BBS9: variants seen among roughly 807,000 people sequenced by gnomAD.
BBS9 encodes Bardet-Biedl syndrome 9.
BBS9 carries 89 observed loss-of-function variants against 117.7 expected under a neutral mutation model. The ratio of observed to expected loss-of-function variants is 0.76; its 90% CI spans 0.64 to 0.90. The LOEUF (loss-of-function observed/expected upper bound fraction) is 0.90, where lower values mean the gene tolerates loss of function less well. Ranked by LOEUF, BBS9 falls within the 40% of genes least tolerant of loss-of-function variation. The probability of loss-of-function intolerance (pLI) is 0.00; values close to 1 mark genes in which losing one functional copy is unlikely to be tolerated. For missense variants in BBS9, 982 were observed against 1,042.2 expected, an observed-to-expected ratio of 0.94 and a Z score of 0.80; for synonymous variants, 379 against 370.9, an observed-to-expected ratio of 1.02 and a Z score of -0.25.
At chr7:33,528,005 A>G (rs1246083332) in intron 20 of BBS9, among the ~76,000 whole-genome samples, 1 of 152,234 alleles carries the variant, frequency 6.6e-6, no homozygotes, top group Admixed American at 6.5e-5. Flanking sequence ...CTTTAGATAT[A>G]ATATTTAGAT....
chr7:33,545,672 C>T (rs546668056), intron 21 of BBS9, among the ~76,000 whole-genome samples: 3 of 152,170 alleles, frequency 2.0e-5, no homozygotes, highest in East Asian at 1.9e-4. Context: ...CTGCTCTGTC[C>T]GGAGCTGCAA....
chr7:33,545,972 C>T (rs1281793770), intron 21 of BBS9, among the ~76,000 whole-genome samples: 14 of 105,448 alleles, frequency 1.3e-4, no homozygotes, highest in South Asian at 3.4e-4. Flanking sequence ...CTTGCTCTGT[C>T]GCCCAGGCTG....
rs759783774 is a variant in BBS9, at chr7:33,468,258, A to T, written c.2116-37205A>T. On this transcript the variant is annotated intron_variant, in intron 19 of 22. Transcript: ENST00000242067. ...GTCAAATCAAGTTGTCTCAAGCCCA[A>T]ATATTTTTCAATACTTATTAGAAAA... Among the ~76,000 whole-genome samples the T allele has an allele frequency of 3.9e-5, 6 of 152,262 alleles. No homozygotes were observed. The East Asian group carries it at 1.2e-3, about 29-fold the overall frequency.
At chr7:33,627,531 T>C (rs1221169155) in intron 21 of BBS9, among the ~76,000 whole-genome samples, 1 of 152,160 alleles carries the variant, frequency 6.6e-6, no homozygotes, top group African/African-American at 2.4e-5. Flanking sequence ...CACTGACAGC[T>C]TGTACCATGT....
intron 20 of BBS9, among the ~76,000 whole-genome samples, chr7:33,532,685 T>C (rs953383400): frequency 2.6e-5 from 4 of 152,218 alleles, no homozygotes; most frequent in African/African-American, 9.6e-5. Flanking sequence ...GAGATGTCGG[T>C]GGGGACACAG....
chr7:33,303,654 A>C (rs977534085), intron 9 of BBS9, among the ~76,000 whole-genome samples: 1 of 151,160 alleles, frequency 6.6e-6, no homozygotes, highest in Non-Finnish European at 1.5e-5. Context: ...GATTGCAGGC[A>C]TGTGCCGCCA....
intron 9 of BBS9, among the ~76,000 whole-genome samples, chr7:33,306,316 A>C (rs1027709497): frequency 6.6e-6 from 1 of 151,942 alleles, no homozygotes; most frequent in African/African-American, 2.4e-5. Context: ...CTTAACATAT[A>C]GATGTTAAGT....
At chr7:33,263,079 A>T (rs1446387079) in intron 6 of BBS9, among the ~76,000 whole-genome samples, 1 of 137,440 alleles carries the variant, frequency 7.3e-6, no homozygotes, top group Non-Finnish European at 1.6e-5. Flanking sequence ...AATGAATGAA[A>T]TTTATATATA....
chr7:33,441,790 G>A (rs907339297), intron 19 of BBS9, among the ~76,000 whole-genome samples: 2 of 152,108 alleles, frequency 1.3e-5, no homozygotes, highest in African/African-American at 4.8e-5. Flanking sequence ...CTCTTGTGGA[G>A]CTCAGAAAGT....
At chr7:33,330,011 T>C (rs1447714488) in intron 9 of BBS9, among the ~76,000 whole-genome samples, 1 of 152,064 alleles carries the variant, frequency 6.6e-6, no homozygotes, top group Admixed American at 6.5e-5. Context: ...ATTTAACATA[T>C]AAAATTGTGT....
At chr7:33,218,831 G>A (rs777313806) in intron 5 of BBS9, among the ~76,000 whole-genome samples, 6 of 152,260 alleles carry the variant, frequency 3.9e-5, no homozygotes, top group African/African-American at 1.4e-4. Context: ...TGCAGCCCTC[G>A]CTCGCTCTCG....
chr7:33,509,489 T>G (rs1846609230), intron 20 of BBS9, among the ~76,000 whole-genome samples: 1 of 152,136 alleles, frequency 6.6e-6, no homozygotes, highest in Admixed American at 6.5e-5. Context: ...TTGAAGTTAT[T>G]ATGATACCAC....
At chr7:33,520,753 C>CT (rs1848478330) in intron 20 of BBS9, among the ~76,000 whole-genome samples, 1 of 152,114 alleles carries the variant, frequency 6.6e-6, no homozygotes, top group African/African-American at 2.4e-5. Context: ...AGCTAATGAC[C>CT]ACAGAGGAAA....
chr7:33,521,980 A>C (rs1377010550), intron 20 of BBS9, among the ~76,000 whole-genome samples: 3 of 144,624 alleles, frequency 2.1e-5, no homozygotes, highest in African/African-American at 7.7e-5. Context: ...CCCACCTATG[A>C]GTGAGAATAT....
At chr7:33,164,916 C>T (rs1249246358) in intron 4 of BBS9, among the ~76,000 whole-genome samples, 2 of 152,118 alleles carry the variant, frequency 1.3e-5, no homozygotes, top group Non-Finnish European at 2.9e-5. Flanking sequence ...GCAGTTTCTT[C>T]CTAGCATCGA....
chr7:33,179,809 T>C (rs1177772424), intron 5 of BBS9, among the ~76,000 whole-genome samples: 2 of 152,118 alleles, frequency 1.3e-5, no homozygotes, highest in East Asian at 3.8e-4. Context: ...GGGACCACTA[T>C]TATATAGATT....
In BBS9 at chr7:33,596,257, AACACACACACACAC is replaced by A. The variant is rs777940429; in HGVS notation, c.2522-8579_2522-8566del. On this transcript the variant is annotated intron_variant, in intron 21 of 22. Coordinates refer to ENST00000242067, the MANE Select transcript of BBS9 (RefSeq NM_198428.3). ...AGATGGCCCCTGAGCACAGAACAGAAACACACACACACACACACACACACACACACACACACACA... is the reference window on the plus strand; with the variant it reads ...AGATGGCCCCTGAGCACAGAACAGAAACACACACACACACACACACACACA... Among the ~76,000 whole-genome samples, 144 of 118,850 alleles carry A rather than the reference AACACACACACACAC, an allele frequency of 1.2e-3. 1 individual carries two copies. The Middle Eastern group carries it at 0.013, about 11-fold the overall frequency. The allele number at this position is 118,850 out of a possible 152,430, so 78.0% of individuals were successfully genotyped here.
chr7:33,218,908 G>A (rs939941880), intron 5 of BBS9, among the ~76,000 whole-genome samples: 4 of 152,240 alleles, frequency 2.6e-5, no homozygotes, highest in African/African-American at 9.6e-5. Context: ...CCACTGCACT[G>A]TGGGAGCCCC....
downstream of BBS9, among the ~76,000 whole-genome samples, chr7:33,607,550 A>G (rs529499032): frequency 6.6e-6 from 1 of 152,280 alleles, no homozygotes; most frequent in African/African-American, 2.4e-5. Context: ...CACCATATAT[A>G]TCACAAAATC....
Sources: gnomAD v4.1 joint callset for allele counts (sites outside exome capture counted in the v4.1 genomes callset) on GRCh38, gnomAD v4.1.1 for gene constraint, MANE v1.5 for transcripts, NCBI Gene and HGNC (gene_info 2026-07-23, HGNC 2026-07-21) for gene names.